The following PDE7B variants were observed in gnomAD, a reference collection of about 807,000 sequenced individuals.
PDE7B encodes phosphodiesterase 7B, also known as 3',5'-cyclic-AMP phosphodiesterase 7B.
A neutral mutation model predicts 56.2 loss-of-function variants in PDE7B; 29 were observed. The ratio of observed to expected loss-of-function variants is 0.52; its 90% CI spans 0.38 to 0.70. The LOEUF is 0.70. Ranked by LOEUF, PDE7B falls within the 30% of genes least tolerant of loss-of-function variation. The pLI is 0.00. For missense variants in PDE7B, 490 were observed against 565.0 expected, an observed-to-expected ratio of 0.87 and a Z score of 1.35; for synonymous variants, 197 against 196.9, an observed-to-expected ratio of 1.00 and a Z score of 0.00.
intron 1 of PDE7B, among the ~76,000 whole-genome samples, chr6:135,922,526 C>G (rs1175785499): frequency 6.6e-6 from 1 of 152,124 alleles, no homozygotes; most frequent in Non-Finnish European, 1.5e-5. Context: ...TACAGATGAT[C>G]CAGAGTTGAC....
At chr6:135,916,681 G>A (rs1306212266) in intron 1 of PDE7B, among the ~76,000 whole-genome samples, 1 of 151,518 alleles carries the variant, frequency 6.6e-6, no homozygotes, top group Non-Finnish European at 1.5e-5. Flanking sequence ...GTTAGCCACC[G>A]CACCCAGCCT....
At chr6:136,108,291 T>C (rs1400109453) in intron 2 of PDE7B, among the ~76,000 whole-genome samples, 1 of 152,058 alleles carries the variant, frequency 6.6e-6, no homozygotes, top group Non-Finnish European at 1.5e-5. Flanking sequence ...TGATACAATC[T>C]GGAAAAAAGA....
intron 6 of PDE7B, among the ~76,000 whole-genome samples, chr6:136,151,501 A>G (rs796267261): frequency 1.3e-5 from 2 of 152,286 alleles, no homozygotes; most frequent in African/African-American, 4.8e-5. Flanking sequence ...TGTAGTCAAA[A>G]AATCTGTGTA....
At chr6:135,925,165 T>C (rs1428095117) in intron 1 of PDE7B, among the ~76,000 whole-genome samples, 1 of 152,050 alleles carries the variant, frequency 6.6e-6, no homozygotes, top group Non-Finnish European at 1.5e-5. Context: ...ATTTAAAAAA[T>C]AAATCATTAA....
chr6:135,926,148 G>A (rs1583775338), intron 1 of PDE7B, among the ~76,000 whole-genome samples: 1 of 144,474 alleles, frequency 6.9e-6, no homozygotes, highest in South Asian at 2.3e-4. Context: ...GTGCAGTGGC[G>A]CAATCTCGGC....
rs1389753355 is a variant in PDE7B, at chr6:136,194,137, C to G, written c.*2297C>G. 6.6e-6 allele frequency: 1 copy of G among 151,998 alleles called. No individual in the cohort carries two copies. The highest frequency in any genetic ancestry group is 1.9e-4 in the East Asian group (1 of 5,184). The allele number at this position is 151,998 out of a possible 1,614,324, so 9.4% of individuals were successfully genotyped here. A position where few individuals can be genotyped will look rare whatever the true frequency, so the allele number is the denominator to read the frequency against. On this transcript the variant is annotated 3_prime_UTR_variant, in exon 13 of 13. Coordinates refer to ENST00000308191, the MANE Select transcript of PDE7B (RefSeq NM_018945.4). ...TGATGGTACACATAGGGCTTTTGAACAGTCTATTTTTAATGTATATGAGGT... is the reference window on the plus strand; with the variant it reads ...TGATGGTACACATAGGGCTTTTGAAGAGTCTATTTTTAATGTATATGAGGT...
At chr6:135,951,411 G>A (rs1774696030) in intron 2 of PDE7B, among the ~76,000 whole-genome samples, 2 of 151,986 alleles carry the variant, frequency 1.3e-5, no homozygotes, top group Non-Finnish European at 2.9e-5. Context: ...ATGAAGTATG[G>A]CAAGTTACAA....
At chr6:135,987,522 G>A (rs980116935) in intron 2 of PDE7B, among the ~76,000 whole-genome samples, 6 of 152,150 alleles carry the variant, frequency 3.9e-5, no homozygotes, top group African/African-American at 1.4e-4. Context: ...CACCAGAACT[G>A]AGCCTTCTTC....
At chr6:136,066,064 C>A (rs1583861296) in intron 2 of PDE7B, among the ~76,000 whole-genome samples, 1 of 152,128 alleles carries the variant, frequency 6.6e-6, no homozygotes, top group Non-Finnish European at 1.5e-5. Context: ...TAAGTTTTAT[C>A]CAGGCATGTC....
chr6:136,037,416 T>C (rs550320395), intron 2 of PDE7B: 21 of 985,334 alleles, frequency 2.1e-5, no homozygotes, highest in Middle Eastern at 5.2e-4. Flanking sequence ...ATAACCCAGA[T>C]AGGTTTGCCG....
At chr6:135,946,983 A>G (rs1205882261) in intron 1 of PDE7B, among the ~76,000 whole-genome samples, 1 of 152,090 alleles carries the variant, frequency 6.6e-6, no homozygotes, top group African/African-American at 2.4e-5. Flanking sequence ...CCAGTTTTTC[A>G]TTATTTATCT....
chr6:135,997,849 G>A (rs1001223856), intron 2 of PDE7B, among the ~76,000 whole-genome samples: 15 of 152,128 alleles, frequency 9.9e-5, no homozygotes, highest in South Asian at 2.1e-4. Flanking sequence ...ATTAGCAATC[G>A]CCAGTGGGTG....
chr6:136,117,378 C>G (rs17065278), intron 3 of PDE7B, among the ~76,000 whole-genome samples: 2 of 152,070 alleles, frequency 1.3e-5, no homozygotes, highest in Admixed American at 1.3e-4. Flanking sequence ...CCACCTTCAA[C>G]GTTTCAGAAT....
intron 12 of PDE7B, among the ~76,000 whole-genome samples, chr6:136,188,156 C>T (rs1475680883): frequency 6.6e-6 from 1 of 152,140 alleles, no homozygotes; most frequent in African/African-American, 2.4e-5. Context: ...CACCGTCCCA[C>T]AGTGGAGTCA....
chr6:135,873,636 G>C (rs938377995), intron 1 of PDE7B, among the ~76,000 whole-genome samples: 1 of 152,046 alleles, frequency 6.6e-6, no homozygotes, highest in Non-Finnish European at 1.5e-5. Context: ...TATCTTCATT[G>C]TGATTGCAAT....
chr6:135,851,850 T>C lies in PDE7B; in HGVS notation c.-149T>C. On this transcript the variant is annotated 5_prime_UTR_variant, in exon 1 of 13. Transcript: ENST00000308191. The stretch of plus-strand genomic sequence containing the variant: ...TTTTGTGTTTCTTTATTTCTTTTCC[T>C]TTTTTTTCTTTTTTTTTTTTTGTTA... 2 of 635,914 alleles carry C rather than the reference T, an allele frequency of 3.1e-6. No homozygotes were observed. Among genetic ancestry groups the C allele is most frequent in the South Asian group, 4.0e-5 (2 of 49,960 alleles). 39.4% of individuals were successfully genotyped at this position (635,914 alleles called of 1,614,324 possible). A position where few individuals can be genotyped will look rare whatever the true frequency, so the allele number is the denominator to read the frequency against.
chr6:136,064,385 T>C (rs1468048299), intron 2 of PDE7B: 1 of 152,208 alleles, frequency 6.6e-6, no homozygotes, highest in African/African-American at 2.4e-5. Flanking sequence ...ACCCACCTGC[T>C]TCTCTGTTGG....
At chr6:135,989,550 G>A (rs1237295047) in intron 2 of PDE7B, among the ~76,000 whole-genome samples, 1 of 152,112 alleles carries the variant, frequency 6.6e-6, no homozygotes, top group African/African-American at 2.4e-5. Flanking sequence ...GGAGGCAGAG[G>A]TTGTGGTGAG....
intron 2 of PDE7B, among the ~76,000 whole-genome samples, chr6:136,065,868 A>G (rs1776925869): frequency 6.6e-6 from 1 of 152,194 alleles, no homozygotes; most frequent in Admixed American, 6.5e-5. Context: ...TTTAACCACT[A>G]AGATATGCTC....
Sources: allele counts gnomAD v4.1 joint callset (sites outside exome capture counted in the v4.1 genomes callset), GRCh38; gene constraint gnomAD v4.1.1; transcripts MANE v1.5; gene names NCBI Gene and HGNC (gene_info 2026-07-23, HGNC 2026-07-21).